Variants in SLC18A1 observed in about 807,000 individuals in gnomAD.
The protein encoded by SLC18A1 is solute carrier family 18 member A1, also known as chromaffin granule amine transporter.
In SLC18A1, 69 loss-of-function variants were observed where a neutral mutation model predicts 53.7. That is an observed-to-expected ratio of 1.28 (90% CI 1.06 to 1.57). The LOEUF (loss-of-function observed/expected upper bound fraction) is 1.57, where lower values mean the gene tolerates loss of function less well. SLC18A1 is among the 40% of genes most tolerant of loss of function. SLC18A1 has a pLI of 0.00. For synonymous variants in SLC18A1, 320 were observed against 248.1 expected, an observed-to-expected ratio of 1.29 and a Z score of -2.72; for missense variants, 932 against 668.1, an observed-to-expected ratio of 1.40 and a Z score of -4.35.
intron 10 of SLC18A1, among the ~76,000 whole-genome samples, chr8:20,162,933 T>C (rs989573072): frequency 6.6e-6 from 1 of 152,236 alleles, no homozygotes; most frequent in African/African-American, 2.4e-5. Flanking sequence ...GCTGCTTCCA[T>C]ATTTTCAAGT....
intron 6 of SLC18A1, among the ~76,000 whole-genome samples, chr8:20,171,988 C>T (rs1051434045): frequency 2.0e-5 from 3 of 152,222 alleles, no homozygotes; most frequent in Non-Finnish European, 4.4e-5. Context: ...AAAGTAGAGC[C>T]TTGCATATGC....
rs796600508 is a variant in SLC18A1, at chr8:20,173,901, T to C, written c.631+460A>G. 2.7e-3 allele frequency among the ~76,000 whole-genome samples: 405 copies of C among 149,968 alleles called. 2 individuals are homozygous for C. The highest frequency in any genetic ancestry group is 0.01 in the Middle Eastern group (3 of 286). On this transcript the variant is annotated intron_variant, in intron 5 of 15. Transcript: ENST00000276373. The stretch of plus-strand genomic sequence containing the variant: ...GAAACTCTGTAATTCCTTTCTTTTT[T>C]TTTTTTTTTTTTTGAGTTAGGGTCT...
intron 12 of SLC18A1, 88 bp downstream of exon 12, chr8:20,149,588 C>A: frequency 1.1e-6 from 1 of 940,972 alleles, no homozygotes; most frequent in Non-Finnish European, 1.5e-6. Flanking sequence ...CTCTCTCTCT[C>A]CCTCTCTCTC....
chr8:20,149,749 C>T (rs2128868018), intron 11 of SLC18A1, 22 bp from the exon 12 acceptor site: 1 of 1,613,074 alleles, frequency 6.2e-7, no homozygotes, highest in East Asian at 2.2e-5. Context: ...AAGCCATCAT[C>T]AAACACCACT....
At position 20,164,362 on chromosome 8, in the gene SLC18A1, C is replaced by T. The variant is rs1272196814; in HGVS notation, c.1015+507G>A. ...CCTTTTTAGAGGTAAAAAAGATAAC[C>T]AAAGGGTAGTCTTGAGGATGAGGAG... is the stretch of plus-strand genomic sequence containing the variant. On this transcript the variant is annotated intron_variant, in intron 10 of 15. Coordinates refer to ENST00000276373, the MANE Select transcript of SLC18A1 (RefSeq NM_003053.4). Among the ~76,000 whole-genome samples, 13 of 152,172 alleles carry T rather than the reference C, an allele frequency of 8.5e-5. No homozygotes were observed. The East Asian group carries it at 2.3e-3, about 27-fold the overall frequency.
At chr8:20,176,360 C>T (rs1258598230) in intron 4 of SLC18A1, among the ~76,000 whole-genome samples, 3 of 152,172 alleles carry the variant, frequency 2.0e-5, no homozygotes, top group African/African-American at 7.2e-5. Flanking sequence ...GAAGCAGATG[C>T]TGGTGTCATG....
rs374331698 is a variant in SLC18A1 at position 20,145,870 on chromosome 8, G to A, written c.1471C>T (p.Leu491=). The change falls in exon 16 of 16, where the codon CTG becomes TTG. Residue 491 remains leucine (L), a synonymous_variant. Transcript: ENST00000276373. The stretch of plus-strand genomic sequence containing the variant: ...GTCTCCATGGGGCAGTCCTGACTCA[G>A]AATAGCCTGCAGAGAGAGGCAAGAA... ...PPAKEEKLAI[L]SQDCPMETRM... is the part of the protein sequence containing the mutation. The A allele has an allele frequency of 1.1e-4, 174 of 1,596,130 alleles. 2 individuals are homozygous for A. The South Asian group carries it at 1.8e-3, about 16-fold the overall frequency.
At chr8:20,161,389 AC>A (rs2071826859) in intron 10 of SLC18A1, among the ~76,000 whole-genome samples, 1 of 152,218 alleles carries the variant, frequency 6.6e-6, no homozygotes, top group African/African-American at 2.4e-5. Context: ...TAAAAATAAT[AC>A]AAAAAAGAAA....
intron 6 of SLC18A1, among the ~76,000 whole-genome samples, chr8:20,172,781 G>GA (rs2072156083): frequency 6.6e-6 from 1 of 152,204 alleles, no homozygotes; most frequent in Non-Finnish European, 1.5e-5. Flanking sequence ...GAACCGAGGC[G>GA]AAGCAGTGGC....
In SLC18A1 at chr8:20,147,732, G is replaced by A; in HGVS notation, c.1211-10C>T. Reference sequence around the variant, plus strand: ...GAAGAATCCACCATGCCTGTGGCCAGAGCAAACAGGACACAGTCAGCCCCA... The same window carrying A: ...GAAGAATCCACCATGCCTGTGGCCAAAGCAAACAGGACACAGTCAGCCCCA... On this transcript the variant is annotated splice_polypyrimidine_tract_variant and intron_variant, in intron 13 of 15. Transcript: ENST00000276373. The A allele has an allele frequency of 1.2e-6, 2 of 1,611,808 alleles. No individual in the cohort carries two copies. Among genetic ancestry groups the A allele is most frequent in the Non-Finnish European group, 1.7e-6 (2 of 1,179,322 alleles).
At chr8:20,168,256 A>C (rs1010373418) in intron 8 of SLC18A1, among the ~76,000 whole-genome samples, 2 of 151,608 alleles carry the variant, frequency 1.3e-5, no homozygotes, top group African/African-American at 4.9e-5. Flanking sequence ...AGTCTCAGCT[A>C]CTCAAGAAGC....
At chr8:20,167,501 A>T (rs1288554750) in intron 8 of SLC18A1, among the ~76,000 whole-genome samples, 1 of 152,112 alleles carries the variant, frequency 6.6e-6, no homozygotes, top group East Asian at 1.9e-4. Context: ...GTTGGGCTGG[A>T]AGTGGAGGTC....
Position 20,145,212 on chromosome 8 carries a change from TAAAAA to T in SLC18A1, c.*546_*550del. On this transcript the variant is annotated 3_prime_UTR_variant, in exon 16 of 16. Coordinates refer to ENST00000276373, the MANE Select transcript of SLC18A1 (RefSeq NM_003053.4). ...GCCACAGAAAAATCACTCACTTTAT[TAAAAA>T]AAAAAATAAATGAAAAAAAACAAAA... The T allele has an allele frequency of 1.0e-5, 1 of 100,274 alleles. No homozygotes were observed. Among genetic ancestry groups the T allele is most frequent in the African/African-American group, 5.5e-5 (1 of 18,030 alleles). The allele number at this position is 100,274 out of a possible 1,614,324, so 6.2% of individuals were successfully genotyped here. A position where few individuals can be genotyped will look rare whatever the true frequency, so the allele number is the denominator to read the frequency against.
chr8:20,176,729 C>A (rs961023267), intron 4 of SLC18A1, among the ~76,000 whole-genome samples: 3 of 152,210 alleles, frequency 2.0e-5, no homozygotes, highest in African/African-American at 7.2e-5. Flanking sequence ...ATTAGGCCAA[C>A]TCCATATAGC....
At chr8:20,148,660 C>T (rs1302034242) in intron 12 of SLC18A1, 4 of 408,770 alleles carry the variant, frequency 9.8e-6, no homozygotes, top group Admixed American at 3.0e-5. Flanking sequence ...ACAAAAACCC[C>T]TTCTTCCCTC....
intron 10 of SLC18A1, among the ~76,000 whole-genome samples, chr8:20,152,795 C>T (rs1353068837): frequency 6.6e-6 from 1 of 152,062 alleles, no homozygotes; most frequent in Non-Finnish European, 1.5e-5. Context: ...AGAGATAGCA[C>T]AGGAGATGAG....
intron 10 of SLC18A1, among the ~76,000 whole-genome samples, chr8:20,151,154 T>TTTG (rs372481919): frequency 0.02 from 2,886 of 147,494 alleles, 123 homozygotes; most frequent in African/African-American, 0.07. Context: ...TTTGTTTTTT[T>TTTG]TTTGTTTGTT....
In SLC18A1 at chr8:20,179,410, C is replaced by T. The variant is rs761681798; in HGVS notation, c.199G>A (p.Gly67Arg). 34 of 1,613,940 alleles carry T rather than the reference C, an allele frequency of 2.1e-5. No homozygotes were observed. The highest frequency in any genetic ancestry group is 5.3e-5 in the African/African-American group (4 of 74,920). ...GAGGCGAGGGCATGTGGGGAACTTC[C>T]GGCATGGCCGAGGTGCAGAGAAGAG... Reference protein sequence around the residue: ...VNSSLHLGHAGSSPHALASPA... With the variant: ...VNSSLHLGHARSSPHALASPA... Residue 67 changes from glycine (G) to arginine (R), a missense_variant, in exon 3 of 16, where the codon GGA (glycine) becomes AGA (arginine). Coordinates refer to ENST00000276373, the MANE Select transcript of SLC18A1 (RefSeq NM_003053.4).
chr8:20,147,772 C>A, intron 13 of SLC18A1, 50 bp from the exon 14 acceptor site: 1 of 1,586,360 alleles, frequency 6.3e-7, no homozygotes, highest in South Asian at 1.1e-5. Flanking sequence ...CAGTTAGTAC[C>A]ACCCCGCCTC....
Sources: gnomAD v4.1 joint callset for allele counts (sites outside exome capture counted in the v4.1 genomes callset) on GRCh38, gnomAD v4.1.1 for gene constraint, MANE v1.5 for transcripts, NCBI Gene and HGNC (gene_info 2026-07-23, HGNC 2026-07-21) for gene names.